The following DCDC1 variants were observed in gnomAD, a reference collection of about 807,000 sequenced individuals.
DCDC1 encodes the protein doublecortin domain containing 1.
A neutral mutation model predicts 178.3 loss-of-function variants in DCDC1; 200 were observed. The ratio of observed to expected loss-of-function variants is 1.12; its 90% CI spans 1.00 to 1.26. The LOEUF (loss-of-function observed/expected upper bound fraction) is 1.26, where lower values mean the gene tolerates loss of function less well. DCDC1 is among the 50% of genes most tolerant of loss of function. The probability of loss-of-function intolerance (pLI) is 0.00; values close to 1 mark genes in which losing one functional copy is unlikely to be tolerated. For synonymous variants in DCDC1, 690 were observed against 604.8 expected, an observed-to-expected ratio of 1.14 and a Z score of -2.07; for missense variants, 1,983 against 1,749.2, an observed-to-expected ratio of 1.13 and a Z score of -2.38.
At chr11:31,339,377 T>G (rs780842203) in intron 1 of DCDC1, among the ~76,000 whole-genome samples, 1 of 152,196 alleles carries the variant, frequency 6.6e-6, no homozygotes, top group Non-Finnish European at 1.5e-5. Flanking sequence ...GGTGCCTTGA[T>G]CTTAGACATC....
Position 31,061,189 on chromosome 11 carries a change from C to A in DCDC1, c.2591+3280G>T, listed in dbSNP as rs1955897067. On this transcript the variant is annotated intron_variant, in intron 20 of 38. Coordinates refer to ENST00000684477, the MANE Select transcript of DCDC1 (RefSeq NM_001387274.1). ...TACTCACAGTTCATTATTTCCTTCT[C>A]ACAGGTCACTGGGTGACAAGCTGGG... Among the ~76,000 whole-genome samples, 3 of 152,138 alleles carry A rather than the reference C, an allele frequency of 2.0e-5. No homozygotes were observed. The South Asian group carries it at 6.2e-4, about 31-fold the overall frequency.
At chr11:31,155,883 A>G (rs1399067534) in intron 9 of DCDC1, 2 of 152,232 alleles carry the variant, frequency 1.3e-5, no homozygotes, top group East Asian at 1.9e-4. Flanking sequence ...CATCTTCAAT[A>G]TAACCCTAAA....
intron 10 of DCDC1, among the ~76,000 whole-genome samples, chr11:31,134,977 C>T (rs1962941499): frequency 6.6e-6 from 1 of 152,064 alleles, no homozygotes; most frequent in Non-Finnish European, 1.5e-5. Context: ...GTCTAGGTAA[C>T]AGAGAGAGAG....
chr11:31,029,745 C>CT (rs1330747641), intron 20 of DCDC1, among the ~76,000 whole-genome samples: 2 of 151,960 alleles, frequency 1.3e-5, no homozygotes, highest in Non-Finnish European at 2.9e-5. Context: ...TTGAGCTTTG[C>CT]TTTTTTCTCG....
chr11:31,209,513 T>C (rs1972254712), intron 9 of DCDC1, among the ~76,000 whole-genome samples: 2 of 152,218 alleles, frequency 1.3e-5, no homozygotes, highest in Admixed American at 1.3e-4. Flanking sequence ...TTTCCACCTT[T>C]AGTTAATTAA....
At position 30,877,520 on chromosome 11, in the gene DCDC1, A is replaced by G. The variant is rs687943; in HGVS notation, c.*40+1024T>C. Reference sequence around the variant, plus strand: ...AGGGATCTCCCTTGATTTCTTTTCAAAAAATAAACCTTCCATAATTTTTCT... The same window carrying G: ...AGGGATCTCCCTTGATTTCTTTTCAGAAAATAAACCTTCCATAATTTTTCT... On this transcript the variant is annotated intron_variant, in intron 38 of 38. Transcript: ENST00000684477. Among the ~76,000 whole-genome samples the G allele has an allele frequency of 2.9e-3, 445 of 152,304 alleles. 1 individual carries two copies. Among genetic ancestry groups the G allele is most frequent in the African/African-American group, 0.01 (436 of 41,566 alleles).
chr11:30,965,557 A>C (rs1949378562), intron 20 of DCDC1, among the ~76,000 whole-genome samples: 1 of 150,206 alleles, frequency 6.7e-6, no homozygotes, highest in Admixed American at 6.6e-5. Flanking sequence ...TTGTTCATAG[A>C]TTGGAAGACC....
At chr11:31,206,427 T>C (rs1457725240) in intron 9 of DCDC1, among the ~76,000 whole-genome samples, 1 of 152,210 alleles carries the variant, frequency 6.6e-6, no homozygotes, top group Non-Finnish European at 1.5e-5. Flanking sequence ...GTTTGTTTGC[T>C]TTTTGAGATG....
In DCDC1 at chr11:31,074,394, A is replaced by G. The variant is rs528471643; in HGVS notation, c.2298+3471T>C. ...CTTAATTGCCAATGTGATAGTATTAAGAGGTAGGGCCTTTATGAGTTGATT... is the reference window on the plus strand; with the variant it reads ...CTTAATTGCCAATGTGATAGTATTAGGAGGTAGGGCCTTTATGAGTTGATT... On this transcript the variant is annotated intron_variant, in intron 18 of 38. Coordinates refer to ENST00000684477, the MANE Select transcript of DCDC1 (RefSeq NM_001387274.1). Among the ~76,000 whole-genome samples the G allele has an allele frequency of 9.8e-5, 15 of 152,328 alleles. 1 individual carries two copies. The South Asian group carries it at 2.5e-3, about 25-fold the overall frequency.
At chr11:31,147,011 G>A (rs1188798629) in intron 9 of DCDC1, among the ~76,000 whole-genome samples, 1 of 152,002 alleles carries the variant, frequency 6.6e-6, no homozygotes, top group African/African-American at 2.4e-5. Context: ...AATATTAAGG[G>A]GAGTGGGGCA....
intron 8 of DCDC1, among the ~76,000 whole-genome samples, chr11:31,247,282 T>C (rs1364503779): frequency 6.6e-6 from 1 of 151,950 alleles, no homozygotes; most frequent in African/African-American, 2.4e-5. Flanking sequence ...GTCATGTTTT[T>C]TTTCTTAAAC....
rs546844134 is a variant in DCDC1 at position 31,089,873 on chromosome 11, G to A, written c.2237+1520C>T. On this transcript the variant is annotated intron_variant, in intron 17 of 38. Transcript: ENST00000684477. ...ATACAGTTAAAACAGCTGCTTTAAT[G>A]TCCCATCCAGTAATTCTATCATCTG... 5.3e-5 allele frequency among the ~76,000 whole-genome samples: 8 copies of A among 152,178 alleles called. No homozygotes were observed. The South Asian group carries it at 1.7e-3, about 32-fold the overall frequency.
chr11:31,280,791 T>C (rs868043263), intron 7 of DCDC1: 3 of 612,736 alleles, frequency 4.9e-6, no homozygotes, highest in Middle Eastern at 3.3e-4. Flanking sequence ...AAATACTCCA[T>C]CAGTGTATCC....
At chr11:31,170,832 T>C (rs2136219963) in intron 9 of DCDC1, among the ~76,000 whole-genome samples, 1 of 152,178 alleles carries the variant, frequency 6.6e-6, no homozygotes, top group East Asian at 1.9e-4. Flanking sequence ...TTTTATTTTA[T>C]TTATTTATTT....
chr11:31,252,094 C>A (rs1944078875), intron 8 of DCDC1, among the ~76,000 whole-genome samples: 1 of 152,096 alleles, frequency 6.6e-6, no homozygotes, highest in African/African-American at 2.4e-5. Flanking sequence ...GATAAGTGAG[C>A]TTGCAGACTC....
chr11:30,963,311 C>A (rs1428908443), intron 20 of DCDC1, among the ~76,000 whole-genome samples: 2 of 152,114 alleles, frequency 1.3e-5, no homozygotes, highest in Non-Finnish European at 2.9e-5. Flanking sequence ...ATATCTGCAA[C>A]TGGTCATTTC....
intron 15 of DCDC1, among the ~76,000 whole-genome samples, chr11:31,101,786 A>T (rs1958517751): frequency 6.6e-6 from 1 of 151,620 alleles, no homozygotes; most frequent in Non-Finnish European, 1.5e-5. Flanking sequence ...GTTTAAAAAA[A>T]CTGTCACAGT....
chr11:30,903,979 T>C (rs1298418753), intron 31 of DCDC1: 3 of 204,794 alleles, frequency 1.5e-5, no homozygotes, highest in Admixed American at 5.8e-5. Context: ...CTAAGAATTG[T>C]TCAACTTAAA....
intron 1 of DCDC1, among the ~76,000 whole-genome samples, chr11:31,347,338 G>A (rs959795352): frequency 2.6e-5 from 4 of 152,144 alleles, no homozygotes; most frequent in African/African-American, 7.2e-5. Flanking sequence ...CTTGGTCTAG[G>A]TCCCTAAACC....
Sources: allele counts gnomAD v4.1 joint callset (sites outside exome capture counted in the v4.1 genomes callset), GRCh38; gene constraint gnomAD v4.1.1; transcripts MANE v1.5; gene names NCBI Gene and HGNC (gene_info 2026-07-23, HGNC 2026-07-21).